MAST4: variants seen among roughly 807,000 people sequenced by gnomAD.
MAST4 encodes microtubule-associated serine/threonine-protein kinase 4.
In MAST4, 89 loss-of-function variants were observed where a neutral mutation model predicts 162.7. The ratio of observed to expected loss-of-function variants is 0.55; its 90% CI spans 0.46 to 0.65. MAST4 has a LOEUF of 0.65. Among genes scored for constraint, MAST4 ranks in the 30% least tolerant of loss-of-function variants. The pLI, the probability that MAST4 is intolerant of heterozygous loss-of-function variation, is 0.00. For missense variants in MAST4, 3,153 were observed against 3,374.0 expected, an observed-to-expected ratio of 0.93 and a Z score of 1.62; for synonymous variants, 1,479 against 1,361.1, an observed-to-expected ratio of 1.09 and a Z score of -1.91.
chr5:67,053,731 T>C (rs1453732951), intron 4 of MAST4, among the ~76,000 whole-genome samples: 1 of 152,206 alleles, frequency 6.6e-6, no homozygotes, highest in Non-Finnish European at 1.5e-5. Flanking sequence ...CCTGTGCCCA[T>C]GTGTAGTAAT....
intron 4 of MAST4, among the ~76,000 whole-genome samples, chr5:67,019,556 T>G (rs950358446): frequency 6.6e-6 from 1 of 152,196 alleles, no homozygotes; most frequent in African/African-American, 2.4e-5. Context: ...ATGTTTTTTC[T>G]CCATAGGGGA....
At chr5:67,084,051 C>T (rs1762962554) in intron 5 of MAST4, among the ~76,000 whole-genome samples, 1 of 152,136 alleles carries the variant, frequency 6.6e-6, no homozygotes. Context: ...CTGTCAATGC[C>T]ACAGCATTTC....
chr5:66,917,120 G>T, intron 4 of MAST4: 2 of 691,992 alleles, frequency 2.9e-6, no homozygotes, highest in East Asian at 2.7e-5. Flanking sequence ...CACCAGCACT[G>T]GATGTCACTG....
chr5:66,824,603 C>A (rs1325464472), intron 3 of MAST4, among the ~76,000 whole-genome samples: 1 of 152,234 alleles, frequency 6.6e-6, no homozygotes, highest in African/African-American at 2.4e-5. Flanking sequence ...GGGTAACCAA[C>A]ACAGAACTAG....
intron 3 of MAST4, among the ~76,000 whole-genome samples, chr5:66,813,089 A>T (rs926064240): frequency 6.6e-6 from 1 of 152,230 alleles, no homozygotes; most frequent in African/African-American, 2.4e-5. Flanking sequence ...ATGCTGTTGC[A>T]TTCCAAGAGC....
At chr5:67,137,096 C>T (rs1042483138) in intron 19 of MAST4, among the ~76,000 whole-genome samples, 1 of 152,162 alleles carries the variant, frequency 6.6e-6, no homozygotes, top group Non-Finnish European at 1.5e-5. Context: ...CAGCACGTTA[C>T]TATACACAAG....
intron 4 of MAST4, among the ~76,000 whole-genome samples, chr5:67,020,479 C>T (rs986473078): frequency 6.6e-6 from 1 of 152,162 alleles, no homozygotes; most frequent in Non-Finnish European, 1.5e-5. Flanking sequence ...AGGATTGTTT[C>T]GCCTGTTTAC....
chr5:67,149,160 A>T (rs995643368), intron 23 of MAST4, among the ~76,000 whole-genome samples: 3 of 152,206 alleles, frequency 2.0e-5, no homozygotes, highest in African/African-American at 7.2e-5. Context: ...ACTTGTGTAC[A>T]GGTAGAATGA....
At chr5:66,924,199 G>A (rs1391389315) in intron 4 of MAST4, among the ~76,000 whole-genome samples, 3 of 152,178 alleles carry the variant, frequency 2.0e-5, no homozygotes, top group African/African-American at 7.2e-5. Context: ...AATTTCAGAA[G>A]AGTTTGTACA....
chr5:66,990,355 G>A (rs965985168), intron 4 of MAST4, among the ~76,000 whole-genome samples: 13 of 152,296 alleles, frequency 8.5e-5, no homozygotes, highest in African/African-American at 3.1e-4. Flanking sequence ...TATAGTCTAG[G>A]TTGGGTGTGG....
In MAST4 at chr5:67,166,877, C is replaced by G. The variant is rs771039567; in HGVS notation, c.7698C>G (p.Ala2566=). 6.2e-7 allele frequency: 1 copy of G among 1,608,980 alleles called. No individual in the cohort carries two copies. Among genetic ancestry groups the G allele is most frequent in the South Asian group, 1.1e-5 (1 of 90,118 alleles). ...TVGETKGKDP[A]PAQPPPARKQ... is the part of the protein sequence containing the mutation. ...GGGAAACCAAAGGGAAGGACCCTGC[C>G]CCAGCCCAGCCTCCCCCAGCTAGGA... Residue 2566 remains alanine (A), a synonymous_variant, in exon 29 of 29, where the codon GCC becomes GCG. Transcript: ENST00000403625.
chr5:66,895,447 A>T (rs574233400), intron 3 of MAST4, among the ~76,000 whole-genome samples: 2 of 152,170 alleles, frequency 1.3e-5, no homozygotes, highest in African/African-American at 4.8e-5. Context: ...TCGTTTGTCT[A>T]GTTGCCTGTT....
intron 1 of MAST4, among the ~76,000 whole-genome samples, chr5:66,628,166 A>G (rs991512517): frequency 6.6e-6 from 1 of 151,892 alleles, no homozygotes; most frequent in South Asian, 2.1e-4. Context: ...CCGAGCAGCT[A>G]GGACTATAGG....
rs141037971 is a variant in MAST4, at chr5:67,032,503, T to C, written c.675-21901T>C. ...AAGATACATGCTTGTCTGCAGTGCC[T>C]AGTAGGAGAGCTATAAGGTATCATG... On this transcript the variant is annotated intron_variant, in intron 4 of 28. Transcript: ENST00000403625. Among the ~76,000 whole-genome samples the C allele has an allele frequency of 3.8e-3, 573 of 152,284 alleles. 6 individuals are homozygous for C. In the South Asian group the frequency reaches 0.039, roughly 10 times the overall value.
intron 1 of MAST4, among the ~76,000 whole-genome samples, chr5:66,618,657 C>T (rs887839085): frequency 1.4e-4 from 18 of 129,548 alleles, no homozygotes; most frequent in Non-Finnish European, 1.8e-4. Context: ...TAACTAGATG[C>T]GACTTTTGAT....
chr5:66,701,307 A>G (rs1475224861), intron 1 of MAST4, among the ~76,000 whole-genome samples: 1 of 152,194 alleles, frequency 6.6e-6, no homozygotes, highest in Non-Finnish European at 1.5e-5. Flanking sequence ...ATTTTGAGAG[A>G]TTATGAAACT....
chr5:66,795,656 A>G (rs923049302), intron 3 of MAST4, among the ~76,000 whole-genome samples: 58 of 151,942 alleles, frequency 3.8e-4, no homozygotes, highest in Admixed American at 8.5e-4. Flanking sequence ...CTCTCATGCT[A>G]AAGTCAGTAG....
chr5:66,990,599 A>T (rs1343322284), intron 4 of MAST4, among the ~76,000 whole-genome samples: 3 of 152,178 alleles, frequency 2.0e-5, no homozygotes, highest in Non-Finnish European at 4.4e-5. Flanking sequence ...CGATCATGCC[A>T]CTGCACTCCA....
rs1773449148 is a variant in MAST4 at position 67,163,350 on chromosome 5, T to C, written c.4171T>C (p.Ser1391Pro). ...GCCCTCTCCAACCCCGCAACCCACC[T>C]CCCCGCAGCGGTCACCATCCCCTCT... ...RTPSPTPQPT[S>P]PQRSPSPLLG... Residue 1391 changes from serine (S) to proline (P), a missense_variant, in exon 29 of 29, where the codon TCC becomes CCC. Ser to Pro is a moderately conservative substitution (Grantham distance 74, BLOSUM62 -1). Coordinates refer to ENST00000403625, the MANE Select transcript of MAST4 (RefSeq NM_001164664.2). The surrounding 1 kb of genome is among the most constrained non-coding windows in gnomAD (Gnocchi z 7.0). 1 of 1,612,064 alleles carries C rather than the reference T, an allele frequency of 6.2e-7. No homozygotes were observed. Among genetic ancestry groups the C allele is most frequent in the Admixed American group, 1.7e-5 (1 of 59,968 alleles).
Sources: gnomAD v4.1 joint callset for allele counts (sites outside exome capture counted in the v4.1 genomes callset) on GRCh38, gnomAD v4.1.1 for gene constraint, Gnocchi (gnomAD v3.1) non-coding constraint, MANE v1.5 for transcripts, NCBI Gene and HGNC (gene_info 2026-07-23, HGNC 2026-07-21) for gene names.